The following ITPRID1 variants were observed in gnomAD, a reference collection of about 807,000 sequenced individuals.
ITPRID1 encodes protein ITPRID1.
ITPRID1 carries 96 observed loss-of-function variants against 95.4 expected under a neutral mutation model. The observed-to-expected ratio is 1.01, with a 90% CI of 0.85 to 1.19. The LOEUF (loss-of-function observed/expected upper bound fraction) is 1.19. ITPRID1 is among the 50% of genes most tolerant of loss of function. The pLI is 0.00. For missense variants in ITPRID1, 1,339 were observed against 1,252.9 expected (o/e 1.07, Z -1.04); for synonymous variants, 510 against 453.6 (o/e 1.12, Z -1.58).
intron 7 of ITPRID1, 131 bp from the exon 8 acceptor site, chr7:31,574,409 G>A: frequency 1.3e-6 from 1 of 782,274 alleles, no homozygotes; most frequent in Admixed American, 2.1e-5. Flanking sequence ...GAACGCTAGT[G>A]CACGCACCGT....
rs149363367 is a variant in ITPRID1, at chr7:31,554,201, C to T, written c.164-274C>T. Among the ~76,000 whole-genome samples the T allele has an allele frequency of 2.2e-3, 337 of 152,238 alleles. 2 individuals are homozygous for T. Among genetic ancestry groups the T allele is most frequent in the African/African-American group, 7.7e-3 (318 of 41,544 alleles). On this transcript the variant is annotated intron_variant, in intron 3 of 14. Coordinates refer to ENST00000615280, the MANE Select transcript of ITPRID1 (RefSeq NM_001257967.3). ...ATTTAAAAATTATTCTAACATCTCTCGTTCTTCAGTGGTTTATTTTTCTTC... is the reference window on the plus strand; with the variant it reads ...ATTTAAAAATTATTCTAACATCTCTTGTTCTTCAGTGGTTTATTTTTCTTC...
chr7:31,519,618 CT>C (rs1562543076), intron 1 of ITPRID1, among the ~76,000 whole-genome samples: 26 of 31,696 alleles, frequency 8.2e-4, no homozygotes, highest in Non-Finnish European at 1.5e-3. Flanking sequence ...CTCTCTCTCT[CT>C]CTATATATAT....
At chr7:31,575,099 A>G (rs895613277) in intron 8 of ITPRID1, among the ~76,000 whole-genome samples, 5 of 152,168 alleles carry the variant, frequency 3.3e-5, no homozygotes, top group Admixed American at 2.0e-4. Context: ...TTCATTGGCC[A>G]AAATAAGTCA....
intron 10 of ITPRID1, among the ~76,000 whole-genome samples, chr7:31,606,046 G>A (rs1191672905): frequency 6.6e-6 from 1 of 152,168 alleles, no homozygotes; most frequent in East Asian, 1.9e-4. Context: ...AACATAATAT[G>A]AATGTGTAGA....
chr7:31,610,597 T>C (rs2128164403), intron 10 of ITPRID1, among the ~76,000 whole-genome samples: 1 of 151,792 alleles, frequency 6.6e-6, no homozygotes, highest in East Asian at 1.9e-4. Context: ...TCTGCATTTC[T>C]GTCAGTTTGT....
chr7:31,519,620 C>CTCTCTCTCTCCATATATATATATA lies in ITPRID1; in HGVS notation c.-98+5501_-98+5502insCTCTCTCTCCATATATATATATAT. On this transcript the variant is annotated intron_variant, in intron 1 of 14. Transcript: ENST00000615280. Reference sequence around the variant, plus strand: ...TCTCTCTCTCTCTCTCTCTCTCTCTCTATATATATATATATATATATATAT... The same window carrying CTCTCTCTCTCCATATATATATATA: ...TCTCTCTCTCTCTCTCTCTCTCTCTCTCTCTCTCTCCATATATATATATATATATATATATATATATATATATAT... 1.3e-3 allele frequency among the ~76,000 whole-genome samples: 32 copies of CTCTCTCTCTCCATATATATATATA among 25,272 alleles called. 3 individuals are homozygous for CTCTCTCTCTCCATATATATATATA. The highest frequency in any genetic ancestry group is 2.1e-3 in the South Asian group (1 of 486). The allele number at this position is 25,272 out of a possible 152,430, so 16.6% of individuals were successfully genotyped here. A position where few individuals can be genotyped will look rare whatever the true frequency, so the allele number is the denominator to read the frequency against.
At position 31,553,029 on chromosome 7, in the gene ITPRID1, T is replaced by C. The variant is rs769649044; in HGVS notation, c.5T>C (p.Met2Thr). 2 of 1,609,108 alleles carry C rather than the reference T, an allele frequency of 1.2e-6. No homozygotes were observed. The highest frequency in any genetic ancestry group is 3.4e-5 in the Admixed American group (2 of 59,388). ...AGTTTGCAGAATTACTCTCCTATGATGGCACAGAAATCACAAGGATCTGAC... is the reference window on the plus strand; with the variant it reads ...AGTTTGCAGAATTACTCTCCTATGACGGCACAGAAATCACAAGGATCTGAC... M[M>T]AQKSQGSDNL... Residue 2 changes from methionine (M) to threonine (T), a missense_variant, in exon 3 of 15, where the codon ATG (methionine) becomes ACG (threonine). By Grantham distance (81) the Met-to-Thr change is moderately conservative (BLOSUM62 -1). Coordinates refer to ENST00000615280, the MANE Select transcript of ITPRID1 (RefSeq NM_001257967.3).
intron 10 of ITPRID1, among the ~76,000 whole-genome samples, chr7:31,620,209 C>CACT (rs1352777010): frequency 1.3e-5 from 2 of 152,142 alleles, no homozygotes; most frequent in African/African-American, 2.4e-5. Context: ...ACAGCAGTAA[C>CACT]CTCTTCAGAC....
chr7:31,592,915 G>A (rs1485534850), intron 10 of ITPRID1, among the ~76,000 whole-genome samples: 1 of 152,034 alleles, frequency 6.6e-6, no homozygotes, highest in African/African-American at 2.4e-5. Flanking sequence ...AAAACTAATC[G>A]GAGTTATAAT....
In ITPRID1 at chr7:31,643,897, C is replaced by T. The variant is rs747365273; in HGVS notation, c.2527C>T (p.Gln843Ter). ...LCSLTGHQEAQFMTTLKALQD... is the reference protein window; with the variant it reads ...LCSLTGHQEA ...TTCACTAACTGGTCACCAGGAAGCC[C>T]AGTTCATGACGACTTTGAAAGCCCT... is the stretch of plus-strand genomic sequence containing the variant. The change falls in exon 12 of 15, where the codon CAG (glutamine) becomes TAG (stop). Residue 843 changes from glutamine (Q) to a stop codon, truncating the protein, a stop_gained. Transcript: ENST00000615280. LOFTEE classifies it high-confidence loss of function. 6.2e-7 allele frequency: 1 copy of T among 1,613,908 alleles called. No homozygotes were observed.
intron 9 of ITPRID1, among the ~76,000 whole-genome samples, chr7:31,580,597 T>A (rs1785364902): frequency 6.6e-6 from 1 of 152,176 alleles, no homozygotes; most frequent in Non-Finnish European, 1.5e-5. Flanking sequence ...TAAATTACAA[T>A]TATTCAAGAA....
chr7:31,651,767 GT>G (rs138035443), intron 13 of ITPRID1, among the ~76,000 whole-genome samples, 171 bp from the exon 14 acceptor site: 48,999 of 147,706 alleles, frequency 0.33, 8,167 homozygotes, highest in East Asian at 0.52. Flanking sequence ...CAATAAAGTT[GT>G]TTTTTTTTTT....
At chr7:31,595,394 A>G (rs957336920) in intron 10 of ITPRID1, among the ~76,000 whole-genome samples, 2 of 150,060 alleles carry the variant, frequency 1.3e-5, no homozygotes, top group Non-Finnish European at 3.0e-5. Flanking sequence ...ACATTTTTAT[A>G]GATATAAATG....
At chr7:31,576,552 G>T (rs1785189099) in intron 8 of ITPRID1, among the ~76,000 whole-genome samples, 1 of 152,138 alleles carries the variant, frequency 6.6e-6, no homozygotes, top group South Asian at 2.1e-4. Flanking sequence ...ATTTAGGGGG[G>T]AAATGTAATC....
At chr7:31,587,630 A>G (rs1583537383) in intron 10 of ITPRID1, among the ~76,000 whole-genome samples, 2 of 151,352 alleles carry the variant, frequency 1.3e-5, no homozygotes, top group Middle Eastern at 6.8e-3. Flanking sequence ...ACAGAATTGG[A>G]AAAAACTACT....
intron 1 of ITPRID1, among the ~76,000 whole-genome samples, chr7:31,524,412 C>T (rs1425106338): frequency 6.6e-6 from 1 of 152,178 alleles, no homozygotes; most frequent in East Asian, 1.9e-4. Context: ...CATTTTATAT[C>T]TCAGTTACAG....
chr7:31,576,763 A>G (rs1212429846), intron 8 of ITPRID1, among the ~76,000 whole-genome samples: 1 of 152,184 alleles, frequency 6.6e-6, no homozygotes, highest in Non-Finnish European at 1.5e-5. Flanking sequence ...ACAACAAAAG[A>G]CAGCATCCTT....
chr7:31,640,120 G>C (rs1241082163), intron 10 of ITPRID1, among the ~76,000 whole-genome samples: 6 of 152,162 alleles, frequency 3.9e-5, no homozygotes. Flanking sequence ...AGGCTCATTA[G>C]GTGGGACCAG....
chr7:31,596,140 A>T (rs1562596129), intron 10 of ITPRID1, among the ~76,000 whole-genome samples: 1 of 151,340 alleles, frequency 6.6e-6, no homozygotes, highest in Non-Finnish European at 1.5e-5. Flanking sequence ...TTATATATAC[A>T]ACAAAAATTA....
Sources: allele counts gnomAD v4.1 joint callset (sites outside exome capture counted in the v4.1 genomes callset), GRCh38; gene constraint gnomAD v4.1.1; transcripts MANE v1.5; gene names NCBI Gene and HGNC (gene_info 2026-07-23, HGNC 2026-07-21).